The following LHFPL3 variants were observed in gnomAD, a reference collection of about 807,000 sequenced individuals.
The protein encoded by LHFPL3 is LHFPL tetraspan subfamily member 3.
LHFPL3 carries 5 observed loss-of-function variants against 19.3 expected under a neutral mutation model. The observed-to-expected ratio is 0.26, with a 90% CI of 0.14 to 0.54. The LOEUF (loss-of-function observed/expected upper bound fraction) is 0.54. Ranked by LOEUF, LHFPL3 falls within the 20% of genes least tolerant of loss-of-function variation. The probability of loss-of-function intolerance (pLI) is 0.94; values close to 1 mark genes in which losing one functional copy is unlikely to be tolerated. For missense variants in LHFPL3, 249 were observed against 307.4 expected, an observed-to-expected ratio of 0.81 and a Z score of 1.42; for synonymous variants, 133 against 126.2, an observed-to-expected ratio of 1.05 and a Z score of -0.36.
chr7:104,689,553 G>C (rs138404464), intron 1 of LHFPL3, among the ~76,000 whole-genome samples: 2,932 of 152,246 alleles, frequency 0.019, 95 homozygotes, highest in African/African-American at 0.067. Flanking sequence ...GAATGGAGGG[G>C]ACACTGGGTC....
At chr7:104,469,610 C>G (rs1410585468) in intron 1 of LHFPL3, among the ~76,000 whole-genome samples, 1 of 152,116 alleles carries the variant, frequency 6.6e-6, no homozygotes, top group Admixed American at 6.5e-5. Flanking sequence ...TATCAGTTTT[C>G]CTGCTTACCC....
intron 1 of LHFPL3, among the ~76,000 whole-genome samples, chr7:104,567,990 T>G (rs933024454): frequency 1.3e-5 from 2 of 152,192 alleles, no homozygotes; most frequent in Admixed American, 6.5e-5. Flanking sequence ...AGCTGTGCTT[T>G]TCCATGCTGT....
At chr7:104,492,134 T>A (rs760075589) in intron 1 of LHFPL3, among the ~76,000 whole-genome samples, 6 of 152,238 alleles carry the variant, frequency 3.9e-5, no homozygotes, top group Non-Finnish European at 7.3e-5. Context: ...TATTTTTATG[T>A]TCTAGCATAA....
chr7:104,420,583 G>A (rs1306871892), intron 1 of LHFPL3, among the ~76,000 whole-genome samples: 2 of 106,174 alleles, frequency 1.9e-5, no homozygotes, highest in Non-Finnish European at 3.7e-5. Context: ...TTTTTGAGAC[G>A]GAGTCTCGCT....
intron 1 of LHFPL3, among the ~76,000 whole-genome samples, chr7:104,597,589 T>A (rs979031094): frequency 1.3e-5 from 2 of 152,190 alleles, no homozygotes; most frequent in African/African-American, 4.8e-5. Context: ...GTGATTTCTT[T>A]CATTGAAAGG....
intron 1 of LHFPL3, among the ~76,000 whole-genome samples, chr7:104,480,667 T>A (rs1218590046): frequency 2.0e-5 from 3 of 152,108 alleles, no homozygotes; most frequent in Admixed American, 6.5e-5. Flanking sequence ...GGAAAAAAAA[T>A]AACAAATTGT....
chr7:104,413,907 AT>A (rs571911027), intron 1 of LHFPL3, among the ~76,000 whole-genome samples: 1 of 152,130 alleles, frequency 6.6e-6, no homozygotes, highest in Non-Finnish European at 1.5e-5. Context: ...CTCTTTTTAG[AT>A]TTTCCATTCG....
At chr7:104,447,484 A>G (rs1792351328) in intron 1 of LHFPL3, among the ~76,000 whole-genome samples, 1 of 152,162 alleles carries the variant, frequency 6.6e-6, no homozygotes, top group African/African-American at 2.4e-5. Context: ...TTTTCCATGT[A>G]ATTGGTGATA....
chr7:104,865,254 G>T (rs545395981), intron 2 of LHFPL3, among the ~76,000 whole-genome samples: 1 of 152,140 alleles, frequency 6.6e-6, no homozygotes. Context: ...AGAGAAGAAG[G>T]CTTCAGACGA....
intron 2 of LHFPL3, among the ~76,000 whole-genome samples, chr7:104,770,817 CCTT>C (rs901566061): frequency 1.3e-5 from 2 of 152,180 alleles, no homozygotes; most frequent in African/African-American, 4.8e-5. Flanking sequence ...TGTAAGTTCT[CCTT>C]CTGTGTTTTT....
intron 1 of LHFPL3, among the ~76,000 whole-genome samples, chr7:104,705,058 T>C (rs1264314611): frequency 1.3e-5 from 2 of 152,202 alleles, no homozygotes; most frequent in Admixed American, 1.3e-4. Flanking sequence ...CTTTAATCTA[T>C]TTTGTTGTTG....
intron 1 of LHFPL3, among the ~76,000 whole-genome samples, chr7:104,593,301 G>C (rs1790766564): frequency 6.6e-6 from 1 of 152,126 alleles, no homozygotes. Context: ...TTTGTACCCA[G>C]TAGTCATTCA....
At chr7:104,777,674 C>T (rs144133265) in intron 2 of LHFPL3, among the ~76,000 whole-genome samples, 1 of 152,344 alleles carries the variant, frequency 6.6e-6, no homozygotes, top group Admixed American at 6.5e-5. Context: ...GTCTTAATTA[C>T]TCTGAAGAAA....
intron 1 of LHFPL3, among the ~76,000 whole-genome samples, chr7:104,523,558 C>T (rs1460252870): frequency 6.6e-6 from 1 of 152,154 alleles, no homozygotes; most frequent in Admixed American, 6.6e-5. Context: ...ACCTTTCTGT[C>T]CTTCTAGTCT....
At chr7:104,795,455 T>TA (rs1790105788) in intron 2 of LHFPL3, among the ~76,000 whole-genome samples, 1 of 152,236 alleles carries the variant, frequency 6.6e-6, no homozygotes, top group Non-Finnish European at 1.5e-5. Flanking sequence ...ACAGCGATTC[T>TA]TCTAACAGTT....
rs949683242 is a variant in LHFPL3 at position 104,598,141 on chromosome 7, C to T, written c.446-138534C>T. Among the ~76,000 whole-genome samples the T allele has an allele frequency of 3.3e-5, 5 of 152,170 alleles. No homozygotes were observed. In the South Asian group the frequency reaches 8.3e-4, roughly 25 times the overall value. ...GAAGCCCACAGCAGCAGAGCATCCACATCAATTTTCAAGCACAAAATTAAT... is the reference window on the plus strand; with the variant it reads ...GAAGCCCACAGCAGCAGAGCATCCATATCAATTTTCAAGCACAAAATTAAT... On this transcript the variant is annotated intron_variant, in intron 1 of 2. Transcript: ENST00000424859.
At chr7:104,814,316 G>A (rs1053885440) in intron 2 of LHFPL3, among the ~76,000 whole-genome samples, 4 of 152,032 alleles carry the variant, frequency 2.6e-5, no homozygotes, top group Admixed American at 6.5e-5. Context: ...GCACCTGGTC[G>A]ACTCATCATC....
chr7:104,631,879 C>A (rs1791647971), intron 1 of LHFPL3, among the ~76,000 whole-genome samples: 1 of 152,174 alleles, frequency 6.6e-6, no homozygotes, highest in African/African-American at 2.4e-5. Context: ...AACTTATTAG[C>A]ATCCTTGAGG....
intron 1 of LHFPL3, among the ~76,000 whole-genome samples, chr7:104,590,419 G>A (rs113211792): frequency 2.0e-4 from 30 of 152,192 alleles, no homozygotes; most frequent in South Asian, 1.7e-3. Flanking sequence ...GTAGTTGAGC[G>A]GTTTTGAGTG....
Sources: gnomAD v4.1 joint callset for allele counts (sites outside exome capture counted in the v4.1 genomes callset) on GRCh38, gnomAD v4.1.1 for gene constraint, MANE v1.5 for transcripts, NCBI Gene and HGNC (gene_info 2026-07-23, HGNC 2026-07-21) for gene names.